ZDHHC18: variants seen among roughly 807,000 people sequenced by gnomAD.
The protein encoded by ZDHHC18 is zDHHC palmitoyltransferase 18, also known as palmitoyltransferase ZDHHC18.
Under a neutral mutation model 37.5 loss-of-function variants are expected in ZDHHC18, and 23 were observed. The observed-to-expected ratio is 0.61, with a 90% CI of 0.44 to 0.87. The LOEUF (loss-of-function observed/expected upper bound fraction) is 0.87, where lower values mean the gene tolerates loss of function less well. Ranked by LOEUF, ZDHHC18 falls within the 40% of genes least tolerant of loss-of-function variation. ZDHHC18 has a pLI of 0.00. For missense variants in ZDHHC18, 406 were observed against 525.6 expected (o/e 0.77, Z 2.22); for synonymous variants, 185 against 218.7 (o/e 0.85, Z 1.36).
intron 2 of ZDHHC18, among the ~76,000 whole-genome samples, chr1:26,841,462 G>A (rs1029451592): frequency 2.0e-5 from 3 of 152,074 alleles, no homozygotes; most frequent in African/African-American, 7.2e-5. Flanking sequence ...GCAGATGATG[G>A]CACAGAGAAG....
rs917112785 is a variant in ZDHHC18 at position 26,854,496 on chromosome 1, C to T, written c.*653C>T. 1.3e-5 allele frequency: 2 copies of T among 152,740 alleles called. No individual in the cohort carries two copies. The highest frequency in any genetic ancestry group is 2.9e-5 in the Non-Finnish European group (2 of 68,174). 9.5% of individuals were successfully genotyped at this position (152,740 alleles called of 1,614,324 possible). On this transcript the variant is annotated 3_prime_UTR_variant, in exon 8 of 8. Transcript: ENST00000374142. The surrounding 1 kb of genome is among the most constrained non-coding windows in gnomAD (Gnocchi z 4.6). ...GCCAGCCAGGCACCCACAGCCTCAG[C>T]TCCTGTGCAGTTCCTGGGCAGCACA...
intron 1 of ZDHHC18, among the ~76,000 whole-genome samples, chr1:26,831,445 G>A (rs1253947144): frequency 6.6e-6 from 1 of 152,208 alleles, no homozygotes; most frequent in Non-Finnish European, 1.5e-5. Flanking sequence ...AAGCAATTGG[G>A]AGGTTTTAAG....
Position 26,826,795 on chromosome 1 carries a change from G to C in ZDHHC18, c.-10G>C. The C allele has an allele frequency of 1.0e-6, 1 of 980,268 alleles. No individual in the cohort carries two copies. Among genetic ancestry groups the C allele is most frequent in the Non-Finnish European group, 1.2e-6 (1 of 827,534 alleles). The allele number at this position is 980,268 out of a possible 1,614,324, so 60.7% of individuals were successfully genotyped here. A position where few individuals can be genotyped will look rare whatever the true frequency, so the allele number is the denominator to read the frequency against. Reference sequence around the variant, plus strand: ...CGCGGGGCGCGGAGCCGAGGCCCGCGGCTGGCTGCATGAAGGACTGCGAGT... The same window carrying C: ...CGCGGGGCGCGGAGCCGAGGCCCGCCGCTGGCTGCATGAAGGACTGCGAGT... On this transcript the variant is annotated 5_prime_UTR_variant, in exon 1 of 8. Transcript: ENST00000374142. This position sits in a 1 kb window ranked among gnomAD's most constrained non-coding sequence, Gnocchi z 5.2.
chr1:26,840,482 C>T (rs1330655455), intron 2 of ZDHHC18, among the ~76,000 whole-genome samples: 2 of 152,186 alleles, frequency 1.3e-5, no homozygotes, highest in Non-Finnish European at 2.9e-5. Context: ...GCTCTGTCAC[C>T]CAGGCTGGAG....
intron 1 of ZDHHC18, 30 bp downstream of exon 1, chr1:26,827,169 C>A: frequency 7.5e-7 from 1 of 1,339,158 alleles, no homozygotes; most frequent in Non-Finnish European, 9.5e-7. Context: ...CGCCCCCTCC[C>A]AGCCCCCTGC....
chr1:26,837,460 A>ATTATTTAT (rs756559483), intron 2 of ZDHHC18, among the ~76,000 whole-genome samples: 2,492 of 144,968 alleles, frequency 0.017, 38 homozygotes, highest in Non-Finnish European at 0.024. Flanking sequence ...TATTATGTAT[A>ATTATTTAT]TTATTTATTT....
Position 26,853,775 on chromosome 1 carries a change from C to T in ZDHHC18, c.1099C>T (p.Pro367Ser). The T allele has an allele frequency of 1.9e-6, 3 of 1,614,110 alleles. No individual in the cohort carries two copies. The highest frequency in any genetic ancestry group is 2.5e-6 in the Non-Finnish European group (3 of 1,180,024). The stretch of plus-strand genomic sequence containing the variant: ...GCAGTCCGACACCGTGTTGCCCTCA[C>T]CCATCAGAAGCGATGAGCCAGCCTG... ...FVQSDTVLPS[P>S]IRSDEPACRA... The change falls in exon 8 of 8, where the codon CCC (proline) becomes TCC (serine). Residue 367 changes from proline to serine, a missense_variant. By Grantham distance (74) the Pro-to-Ser change is moderately conservative. Transcript: ENST00000374142.
chr1:26,846,841 A>G (rs1039198616), intron 2 of ZDHHC18, among the ~76,000 whole-genome samples: 4 of 152,112 alleles, frequency 2.6e-5, no homozygotes, highest in South Asian at 2.1e-4. Context: ...AAATCTAAGG[A>G]TAATCTCCTA....
intron 3 of ZDHHC18, among the ~76,000 whole-genome samples, chr1:26,849,793 GGGAT>G (rs2081692634): frequency 6.6e-6 from 1 of 152,216 alleles, no homozygotes; most frequent in Admixed American, 6.5e-5. Context: ...GCATGTGGTT[GGGAT>G]GGTAGACCAG....
intron 2 of ZDHHC18, among the ~76,000 whole-genome samples, chr1:26,837,755 C>T (rs1263963343): frequency 1.3e-5 from 2 of 151,946 alleles, no homozygotes; most frequent in Non-Finnish European, 2.9e-5. Flanking sequence ...GCTGGGATTA[C>T]AGGCATGATC....
intron 2 of ZDHHC18, among the ~76,000 whole-genome samples, chr1:26,837,044 C>G (rs1035862645): frequency 6.8e-6 from 1 of 147,534 alleles, no homozygotes; most frequent in African/African-American, 2.5e-5. Context: ...GTCAGGAGAT[C>G]GAGACCATCC....
In ZDHHC18 at chr1:26,855,480, T is replaced by G. The variant is rs903453156; in HGVS notation, c.*1637T>G. 2 of 152,608 alleles carry G rather than the reference T, an allele frequency of 1.3e-5. No homozygotes were observed. The highest frequency in any genetic ancestry group is 2.4e-5 in the African/African-American group (1 of 41,426). The allele number at this position is 152,608 out of a possible 1,614,324, so 9.5% of individuals were successfully genotyped here. A position where few individuals can be genotyped will look rare whatever the true frequency, so the allele number is the denominator to read the frequency against. On this transcript the variant is annotated 3_prime_UTR_variant, in exon 8 of 8. Coordinates refer to ENST00000374142, the MANE Select transcript of ZDHHC18 (RefSeq NM_032283.3). ...AGCCCTTGGAAAGTGACATAGGAAGTCCCCAGATCTTGCCCTTCTCACTCC... is the reference window on the plus strand; with the variant it reads ...AGCCCTTGGAAAGTGACATAGGAAGGCCCCAGATCTTGCCCTTCTCACTCC...
At chr1:26,832,311 C>A in intron 1 of ZDHHC18, 136 bp from the exon 2 acceptor site, 1 of 1,054,054 alleles carries the variant, frequency 9.5e-7, no homozygotes. Flanking sequence ...AGGAGCTGTG[C>A]CTCTGCCTCA....
In ZDHHC18 at chr1:26,853,754, T is replaced by G; in HGVS notation, c.1078T>G (p.Ser360Ala). The G allele has an allele frequency of 6.2e-7, 1 of 1,614,120 alleles. No homozygotes were observed. The highest frequency in any genetic ancestry group is 8.5e-7 in the Non-Finnish European group (1 of 1,180,026). Residue 360 changes from serine to alanine, a missense_variant, in exon 8 of 8, where the codon TCC becomes GCC. Ser to Ala is a moderately conservative substitution (Grantham distance 99). Transcript: ENST00000374142. ...AATTGACCGGAGGGGATTTGTGCAG[T>G]CCGACACCGTGTTGCCCTCACCCAT... ...SLIDRRGFVQ[S>A]DTVLPSPIRS...
Position 26,826,777 on chromosome 1 carries a change from C to T in ZDHHC18, c.-28C>T. 2 of 971,768 alleles carry T rather than the reference C, an allele frequency of 2.1e-6. No individual in the cohort carries two copies. The highest frequency in any genetic ancestry group is 2.4e-6 in the Non-Finnish European group (2 of 819,774). The allele number at this position is 971,768 out of a possible 1,614,324, so 60.2% of individuals were successfully genotyped here. A position where few individuals can be genotyped will look rare whatever the true frequency, so the allele number is the denominator to read the frequency against. ...GGAGTGGCCCGGCCGGCCCGCGGGG[C>T]GCGGAGCCGAGGCCCGCGGCTGGCT... On this transcript the variant is annotated 5_prime_UTR_variant, in exon 1 of 8. Transcript: ENST00000374142. The surrounding 1 kb of genome is among the most constrained non-coding windows in gnomAD (Gnocchi z 5.2).
At position 26,850,319 on chromosome 1, in the gene ZDHHC18, GC is replaced by G; in HGVS notation, c.669del (p.Trp224GlyfsTer24). On this transcript the variant is annotated frameshift_variant, in exon 4 of 8. Coordinates refer to ENST00000374142, the MANE Select transcript of ZDHHC18 (RefSeq NM_032283.3). LOFTEE classifies it high-confidence loss of function. This position sits in a 1 kb window ranked among gnomAD's most constrained non-coding sequence, Gnocchi z 6.1. ...DNCVERFDHH[C>X]PWVGNCVGRR... Reference sequence around the variant, plus strand: ...TGTCCAGAACGATTTGACCATCACTGCCCCTGGGTGGGCAACTGTGTGGGGA... The same window carrying G: ...TGTCCAGAACGATTTGACCATCACTGCCCTGGGTGGGCAACTGTGTGGGGA... The G allele has an allele frequency of 6.2e-7, 1 of 1,614,232 alleles. No homozygotes were observed. Among genetic ancestry groups the G allele is most frequent in the Non-Finnish European group, 8.5e-7 (1 of 1,180,036 alleles).
intron 3 of ZDHHC18, among the ~76,000 whole-genome samples, chr1:26,849,502 G>A (rs2081690610): frequency 6.6e-6 from 1 of 152,232 alleles, no homozygotes. Context: ...ATGCAGTGAA[G>A]GGGGTGACTC....
At chr1:26,845,851 T>C (rs1352855251) in intron 2 of ZDHHC18, among the ~76,000 whole-genome samples, 3 of 152,042 alleles carry the variant, frequency 2.0e-5, no homozygotes, top group African/African-American at 7.3e-5. Flanking sequence ...AGCCCCAAAC[T>C]CCTGAGCTCA....
intron 2 of ZDHHC18, among the ~76,000 whole-genome samples, chr1:26,834,385 A>C (rs1478734943): frequency 2.0e-5 from 3 of 152,220 alleles, no homozygotes; most frequent in African/African-American, 7.2e-5. Context: ...CAGGGCCAGG[A>C]TAAAGAAGCA....
Sources: allele counts gnomAD v4.1 joint callset (sites outside exome capture counted in the v4.1 genomes callset), GRCh38; gene constraint gnomAD v4.1.1; non-coding constraint Gnocchi (gnomAD v3.1); transcripts MANE v1.5; gene names NCBI Gene and HGNC (gene_info 2026-07-23, HGNC 2026-07-21).